Variants in TNK2 observed in about 807,000 individuals in gnomAD.
TNK2 encodes tyrosine kinase non receptor 2.
In TNK2, 83 loss-of-function variants were observed where a neutral mutation model predicts 101.8. That is an observed-to-expected ratio of 0.82 (90% CI 0.68 to 0.98). TNK2 has a LOEUF of 0.98. Ranked by LOEUF, TNK2 falls within the 50% of genes least tolerant of loss-of-function variation. The pLI is 0.00. For synonymous variants in TNK2, 804 were observed against 633.0 expected, an observed-to-expected ratio of 1.27 and a Z score of -4.06; for missense variants, 1,665 against 1,483.2, an observed-to-expected ratio of 1.12 and a Z score of -2.01.
chr3:195,893,783 C>A (rs1353032112), intron 1 of TNK2, among the ~76,000 whole-genome samples: 9 of 152,162 alleles, frequency 5.9e-5, no homozygotes, highest in African/African-American at 1.9e-4. Flanking sequence ...AGCTGGCCAC[C>A]AGCTCAGGGA....
Position 195,868,491 on chromosome 3 carries a change from AG to A in TNK2, c.1806del (p.Ser603ProfsTer128). On this transcript the variant is annotated frameshift_variant, in exon 13 of 16. Transcript: ENST00000672887. LOFTEE classifies it high-confidence loss of function. Reference sequence around the variant, plus strand: ...GCGTCCATGGCCAGCTGCGCCAGGGAGGGCGCGCAGGGCCGTAGGGCCGGGA... The same window carrying A: ...GCGTCCATGGCCAGCTGCGCCAGGGAGGCGCGCAGGGCCGTAGGGCCGGGA... ...PVVPALRPCA[P>X]SLAQLAMDAC... The A allele has an allele frequency of 6.5e-7, 1 of 1,545,000 alleles. No individual in the cohort carries two copies.
rs1420277335 is a variant in TNK2 at position 195,886,915 on chromosome 3, G to A, written c.234+62C>T. The A allele has an allele frequency of 1.3e-6, 2 of 1,580,284 alleles. No homozygotes were observed. The highest frequency in any genetic ancestry group is 1.3e-5 in the African/African-American group (1 of 74,266). On this transcript the variant is annotated intron_variant, in intron 3 of 15. Coordinates refer to ENST00000672887, the MANE Select transcript of TNK2 (RefSeq NM_001382273.1). The surrounding 1 kb of genome is among the most constrained non-coding windows in gnomAD (Gnocchi z 4.2). ...GAGCTGGGGAAGGTTCCCAGGACCA[G>A]AAGCGGAGGGGGGCGTTCGAGGCTG... is the stretch of plus-strand genomic sequence containing the variant.
At chr3:195,874,123 G>A (rs1024721607) in intron 9 of TNK2, among the ~76,000 whole-genome samples, 3 of 152,218 alleles carry the variant, frequency 2.0e-5, no homozygotes, top group Non-Finnish European at 1.5e-5. Flanking sequence ...CTACACCCAC[G>A]GGCTCCCCGG....
At chr3:195,890,540 T>C (rs1758000383) in intron 1 of TNK2, among the ~76,000 whole-genome samples, 1 of 141,016 alleles carries the variant, frequency 7.1e-6, no homozygotes, top group Non-Finnish European at 1.5e-5. Flanking sequence ...AAACTCAGCC[T>C]CCCGGGTTCA....
intron 11 of TNK2, 86 bp downstream of exon 11, chr3:195,870,028 A>G: frequency 1.9e-6 from 2 of 1,075,386 alleles, no homozygotes; most frequent in Non-Finnish European, 1.3e-6. Context: ...AAAACAGAAC[A>G]GCAGCCTTAG....
chr3:195,876,896 G>A (rs1226696184), intron 9 of TNK2, among the ~76,000 whole-genome samples: 1 of 152,198 alleles, frequency 6.6e-6, no homozygotes, highest in African/African-American at 2.4e-5. Context: ...GTCACCCCTG[G>A]GGACACTGGC....
rs142547410 is a variant in TNK2, at chr3:195,871,735, G to A, written c.1451+541C>T. On this transcript the variant is annotated intron_variant, in intron 10 of 15. Transcript: ENST00000672887. ...ACTTTCATCTACAGTGAGTGGGAAA[G>A]CTTCTCTCAGGACCCCTGCATCTGA... is the stretch of plus-strand genomic sequence containing the variant. 5.2e-3 allele frequency among the ~76,000 whole-genome samples: 786 copies of A among 152,330 alleles called. 7 individuals are homozygous for A. The highest frequency in any genetic ancestry group is 0.018 in the African/African-American group (748 of 41,564).
chr3:195,867,445 G>GGGT lies in TNK2; in HGVS notation c.2850_2852dup (p.Pro952dup). 1 of 1,595,586 alleles carries GGGT rather than the reference G, an allele frequency of 6.3e-7. No individual in the cohort carries two copies. The highest frequency in any genetic ancestry group is 8.5e-7 in the Non-Finnish European group (1 of 1,176,782). ...GTGGCAGCCGAGCAGTGGCCCTCGG[G>GGGT]GGTGGTGGCCGGGCCCCTGGGTTGC... is the stretch of plus-strand genomic sequence containing the variant. On this transcript the variant is annotated inframe_insertion, in exon 13 of 16. Coordinates refer to ENST00000672887, the MANE Select transcript of TNK2 (RefSeq NM_001382273.1).
chr3:195,895,567 G>A lies in TNK2; in HGVS notation c.-18-6961C>T, dbSNP rs1029138074. The stretch of plus-strand genomic sequence containing the variant: ...CAGCTCCGTTCCTCCTCTCCGGGGC[G>A]CGGCTCCCACCCTCTCCCAGTGAGC... On this transcript the variant is annotated intron_variant, in intron 1 of 15. Coordinates refer to ENST00000672887, the MANE Select transcript of TNK2 (RefSeq NM_001382273.1). 1.1e-5 allele frequency: 14 copies of A among 1,322,834 alleles called. No homozygotes were observed. In the Admixed American group the frequency reaches 1.7e-4, roughly 16 times the overall value. The allele number at this position is 1,322,834 out of a possible 1,614,324, so 81.9% of individuals were successfully genotyped here.
At position 195,867,763 on chromosome 3, in the gene TNK2, G is replaced by C. The variant is rs767300447; in HGVS notation, c.2535C>G (p.Pro845=). The change falls in exon 13 of 16, where the codon CCC becomes CCG. Residue 845 remains proline, a synonymous_variant. Coordinates refer to ENST00000672887, the MANE Select transcript of TNK2 (RefSeq NM_001382273.1). The part of the protein sequence containing the change: ...SFASDPKYAT[P]QVIQAPGPRA... ...GCGGGCCAGGGGCCTGGATCACCTG[G>C]GGGGTGGCGTACTTGGGGTCTGAGG... 1.3e-6 allele frequency: 2 copies of C among 1,589,286 alleles called. No homozygotes were observed. Among genetic ancestry groups the C allele is most frequent in the Non-Finnish European group, 1.7e-6 (2 of 1,169,480 alleles).
At position 195,872,475 on chromosome 3, in the gene TNK2, G is replaced by A. The variant is rs764166794; in HGVS notation, c.1257-5C>T. On this transcript the variant is annotated splice_region_variant and splice_polypyrimidine_tract_variant and intron_variant, in intron 9 of 15. Transcript: ENST00000672887. ...CGCCACCAGTAGTTCTCGGCCCTGC[G>A]CGACAGAGATGGCACGGTGAACGCC... 3.2e-5 allele frequency: 50 copies of A among 1,576,058 alleles called. 3 individuals carry two copies. In the South Asian group the frequency reaches 3.9e-4, roughly 12 times the overall value.
intron 1 of TNK2, among the ~76,000 whole-genome samples, chr3:195,898,319 C>T (rs1439913795): frequency 6.6e-6 from 1 of 152,192 alleles, no homozygotes; most frequent in Non-Finnish European, 1.5e-5. Flanking sequence ...GACTCCATCA[C>T]GCTCCAGCTG....
chr3:195,870,715 C>G (rs996449188), intron 10 of TNK2, among the ~76,000 whole-genome samples: 1 of 152,266 alleles, frequency 6.6e-6, no homozygotes, highest in African/African-American at 2.4e-5. Flanking sequence ...GACTTAGTCA[C>G]TGGGGCTGAT....
Position 195,864,182 on chromosome 3 carries a change from C to G in TNK2, c.3167G>C (p.Ter1056SerextTer15). The change falls in exon 16 of 16, where the codon TGA becomes TCA. Residue 1056 changes from the stop codon to serine (S), a stop_lost. Coordinates refer to ENST00000672887, the MANE Select transcript of TNK2 (RefSeq NM_001382273.1). ...GSWGPAHHKR[*>S] Reference sequence around the variant, plus strand: ...GCCCTCTGGCTCTCCAGACGCATCTCAGCGCCTAGAGAATGGGAAACCACC... The same window carrying G: ...GCCCTCTGGCTCTCCAGACGCATCTGAGCGCCTAGAGAATGGGAAACCACC... 1 of 1,614,040 alleles carries G rather than the reference C, an allele frequency of 6.2e-7. No homozygotes were observed. Among genetic ancestry groups the G allele is most frequent in the Non-Finnish European group, 8.5e-7 (1 of 1,179,934 alleles).
chr3:195,878,545 C>G lies in TNK2; in HGVS notation c.1062G>C (p.Glu354Asp). ...CGTTGTAGATGTCCTGGGGACAGTC[C>G]TCGGGCCGGGGCAGCCGCTCCCCCT... is the stretch of plus-strand genomic sequence containing the variant. ...DKEGERLPRP[E>D]DCPQDIYNVM... Residue 354 changes from glutamate to aspartate, a missense_variant, in exon 8 of 16, where the codon GAG becomes GAC. Glu to Asp is a conservative substitution (Grantham distance 45). Transcript: ENST00000672887. The surrounding 1 kb of genome is among the most constrained non-coding windows in gnomAD (Gnocchi z 4.7). The G allele has an allele frequency of 6.2e-7, 1 of 1,613,654 alleles. No individual in the cohort carries two copies. The highest frequency in any genetic ancestry group is 8.5e-7 in the Non-Finnish European group (1 of 1,179,998).
chr3:195,889,925 A>T (rs1163946439), intron 1 of TNK2, among the ~76,000 whole-genome samples: 1 of 152,052 alleles, frequency 6.6e-6, no homozygotes, highest in Non-Finnish European at 1.5e-5. Context: ...TCCCCCACTC[A>T]GCGGTGGCCT....
intron 15 of TNK2, among the ~76,000 whole-genome samples, chr3:195,864,400 C>A (rs985643369): frequency 2.0e-5 from 3 of 151,896 alleles, no homozygotes; most frequent in Non-Finnish European, 2.9e-5. Context: ...TTAGAGAATC[C>A]GAAGACGACA....
intron 9 of TNK2, 99 bp from the exon 10 acceptor site, chr3:195,872,569 G>A: frequency 7.8e-7 from 1 of 1,286,524 alleles, no homozygotes; most frequent in Non-Finnish European, 1.1e-6. Flanking sequence ...GAAGGGGGAT[G>A]GAGCTCAGGC....
chr3:195,903,086 G>A (rs1381254381), intron 1 of TNK2, among the ~76,000 whole-genome samples: 2 of 127,224 alleles, frequency 1.6e-5, no homozygotes, highest in Non-Finnish European at 3.3e-5. Flanking sequence ...TTGTGACAGA[G>A]TCGGAATGCA....
Sources: gnomAD v4.1 joint callset for allele counts (sites outside exome capture counted in the v4.1 genomes callset) on GRCh38, gnomAD v4.1.1 for gene constraint, Gnocchi (gnomAD v3.1) non-coding constraint, MANE v1.5 for transcripts, NCBI Gene and HGNC (gene_info 2026-07-23, HGNC 2026-07-21) for gene names.